Variants in NAV2 observed in about 807,000 individuals in gnomAD.
NAV2 encodes helicase, APC down-regulated 1.
In NAV2, 54 loss-of-function variants were observed where a neutral mutation model predicts 223.2. The ratio of observed to expected loss-of-function variants is 0.24; its 90% CI spans 0.19 to 0.30. The LOEUF (loss-of-function observed/expected upper bound fraction) is 0.30, where lower values mean the gene tolerates loss of function less well. Ranked by LOEUF, NAV2 falls within the 10% of genes least tolerant of loss-of-function variation. The probability of loss-of-function intolerance (pLI) is 1.00; values close to 1 mark genes in which losing one functional copy is unlikely to be tolerated. For missense variants in NAV2, 2,806 were observed against 3,147.5 expected (o/e 0.89, Z 2.60); for synonymous variants, 1,279 against 1,239.3 (o/e 1.03, Z -0.67).
At chr11:19,486,876 A>G (rs2042462469) in intron 1 of NAV2, among the ~76,000 whole-genome samples, 1 of 152,164 alleles carries the variant, frequency 6.6e-6, no homozygotes, top group Non-Finnish European at 1.5e-5. Context: ...TCTTCTATCC[A>G]TTGGAACACC....
intron 1 of NAV2, among the ~76,000 whole-genome samples, chr11:19,543,212 G>A (rs565485266): frequency 2.0e-5 from 3 of 152,264 alleles, no homozygotes; most frequent in African/African-American, 7.2e-5. Context: ...GATTAACCTC[G>A]TAGAAGCTCA....
intron 1 of NAV2, among the ~76,000 whole-genome samples, chr11:19,701,243 G>A (rs1308071442): frequency 6.6e-6 from 1 of 152,150 alleles, no homozygotes; most frequent in Admixed American, 6.5e-5. Context: ...CTCCTGTAGG[G>A]AAACCAGAAG....
At chr11:19,938,186 A>G (rs1356117527) in intron 7 of NAV2, among the ~76,000 whole-genome samples, 11 of 152,240 alleles carry the variant, frequency 7.2e-5, no homozygotes, top group African/African-American at 2.4e-4. Flanking sequence ...CTACCACAAT[A>G]AGGGGTTTAG....
intron 1 of NAV2, among the ~76,000 whole-genome samples, chr11:19,393,809 G>A (rs896137995): frequency 9.3e-5 from 14 of 150,846 alleles, no homozygotes; most frequent in Non-Finnish European, 1.8e-4. Flanking sequence ...CAATTTGCTC[G>A]CCTTAAATTT....
At chr11:19,526,196 G>A (rs1478762783) in intron 1 of NAV2, among the ~76,000 whole-genome samples, 1 of 152,256 alleles carries the variant, frequency 6.6e-6, no homozygotes, top group East Asian at 1.9e-4. Flanking sequence ...GATTCACTGT[G>A]TTTTAATCAA....
chr11:19,469,138 A>T (rs1460814650), intron 1 of NAV2, among the ~76,000 whole-genome samples: 2 of 152,230 alleles, frequency 1.3e-5, no homozygotes, highest in South Asian at 2.1e-4. Context: ...AAACCCTATT[A>T]TACAAGAGTG....
chr11:19,748,591 T>C (rs974812707), intron 1 of NAV2, among the ~76,000 whole-genome samples: 10 of 152,234 alleles, frequency 6.6e-5, no homozygotes, highest in Middle Eastern at 3.2e-3. Context: ...GCGCCTAGCA[T>C]GGTGCCTGGC....
At chr11:19,746,857 T>G (rs932875068) in intron 1 of NAV2, among the ~76,000 whole-genome samples, 1 of 152,132 alleles carries the variant, frequency 6.6e-6, no homozygotes, top group African/African-American at 2.4e-5. Context: ...ACATGAAGAT[T>G]ATCACTGTCT....
chr11:19,818,037 G>C (rs996623307), intron 1 of NAV2, among the ~76,000 whole-genome samples: 1 of 146,960 alleles, frequency 6.8e-6, no homozygotes, highest in African/African-American at 2.7e-5. Flanking sequence ...CCCAGCTCCA[G>C]ATCTTACCTC....
rs140112346 is a variant in NAV2 at position 19,623,707 on chromosome 11, C to T, written c.76-208777C>T. Reference sequence around the variant, plus strand: ...GTTTTTAGCTTCTTTGCGATGGGTTCGAACATCCTCCTTTAGCTTGGAGAA... The same window carrying T: ...GTTTTTAGCTTCTTTGCGATGGGTTTGAACATCCTCCTTTAGCTTGGAGAA... On this transcript the variant is annotated intron_variant, in intron 1 of 37. Transcript: ENST00000360655. Among the ~76,000 whole-genome samples the T allele has an allele frequency of 4.6e-3, 696 of 152,244 alleles. 2 individuals carry two copies. The highest frequency in any genetic ancestry group is 0.015 in the African/African-American group (621 of 41,554).
intron 1 of NAV2, among the ~76,000 whole-genome samples, chr11:19,569,565 G>A (rs2045362933): frequency 6.6e-6 from 1 of 152,090 alleles, no homozygotes; most frequent in African/African-American, 2.4e-5. Context: ...TATGGCAGCT[G>A]TTTCTCTCTC....
chr11:19,799,491 A>G (rs984967477), intron 1 of NAV2, among the ~76,000 whole-genome samples: 1 of 151,666 alleles, frequency 6.6e-6, no homozygotes, highest in Non-Finnish European at 1.5e-5. Context: ...GTTGCCCTGT[A>G]CAATGAACCC....
intron 1 of NAV2, among the ~76,000 whole-genome samples, chr11:19,581,700 C>A (rs878906333): frequency 1.5e-4 from 23 of 152,090 alleles, no homozygotes; most frequent in Admixed American, 2.0e-4. Flanking sequence ...TGAACTCATC[C>A]TTTTTTATGG....
intron 1 of NAV2, among the ~76,000 whole-genome samples, chr11:19,533,200 G>A (rs2044081092): frequency 6.6e-6 from 1 of 151,970 alleles, no homozygotes; most frequent in Admixed American, 6.5e-5. Context: ...GTAGACCGGG[G>A]TTTCTTAACC....
intron 1 of NAV2, among the ~76,000 whole-genome samples, chr11:19,399,835 C>T (rs558414425): frequency 1.1e-3 from 166 of 152,244 alleles, no homozygotes; most frequent in Non-Finnish European, 2.1e-3. Context: ...CTTCTGGCAC[C>T]CAGATCGTTG....
intron 1 of NAV2, among the ~76,000 whole-genome samples, chr11:19,679,967 G>T (rs2048834172): frequency 6.6e-6 from 1 of 152,228 alleles, no homozygotes; most frequent in African/African-American, 2.4e-5. Flanking sequence ...AGAGAGGCCA[G>T]GAGGGTTGGG....
intron 1 of NAV2, among the ~76,000 whole-genome samples, chr11:19,562,670 A>G (rs1474005616): frequency 6.6e-6 from 1 of 151,572 alleles, no homozygotes; most frequent in East Asian, 1.9e-4. Flanking sequence ...ATGTACCACA[A>G]AGCCTAATGC....
intron 1 of NAV2, among the ~76,000 whole-genome samples, chr11:19,409,973 G>A (rs867480387): frequency 1.3e-5 from 2 of 152,154 alleles, no homozygotes; most frequent in African/African-American, 4.8e-5. Context: ...CCAACTCGGG[G>A]CTAGGAACTT....
rs113935674 is a variant in NAV2, at chr11:19,524,714, T to C, written c.75+173687T>C. ...GGGGACTTTATTGTTTTTATCTTTT[T>C]TTAAGATATTAATTTCACATTGGGA... On this transcript the variant is annotated intron_variant, in intron 1 of 37. Coordinates refer to the NAV2 transcript ENST00000360655. 8.7e-3 allele frequency among the ~76,000 whole-genome samples: 1,327 copies of C among 152,314 alleles called. 15 individuals carry two copies. The highest frequency in any genetic ancestry group is 0.03 in the African/African-American group (1,266 of 41,546).
Sources: gnomAD v4.1 joint callset for allele counts (sites outside exome capture counted in the v4.1 genomes callset) on GRCh38, gnomAD v4.1.1 for gene constraint, MANE v1.5 for transcripts, NCBI Gene and HGNC (gene_info 2026-07-23, HGNC 2026-07-21) for gene names.